The following SPEN variants were observed in gnomAD, a reference collection of about 807,000 sequenced individuals.
The protein encoded by SPEN is spen family transcriptional repressor.
A neutral mutation model predicts 269.9 loss-of-function variants in SPEN; 18 were observed. That is an observed-to-expected ratio of 0.07 (90% confidence interval 0.05 to 0.10). The LOEUF is 0.10. Ranked by LOEUF, SPEN falls within the 10% of genes least tolerant of loss-of-function variation. The pLI is 1.00. For missense variants in SPEN, 3,822 were observed against 4,631.2 expected (o/e 0.83, Z 5.07); for synonymous variants, 1,726 against 1,765.7 (o/e 0.98, Z 0.56).
intron 10 of SPEN, among the ~76,000 whole-genome samples, chr1:15,926,380 T>C (rs1017280189): frequency 4.7e-4 from 67 of 141,384 alleles, no homozygotes; most frequent in Middle Eastern, 3.5e-3. Context: ...CTCAGATATA[T>C]ACATACACAC....
chr1:15,915,379 C>G (rs1173528480), intron 5 of SPEN, among the ~76,000 whole-genome samples: 1 of 151,934 alleles, frequency 6.6e-6, no homozygotes, highest in East Asian at 1.9e-4. Flanking sequence ...GTCCCAGCTA[C>G]TTAGGAGGCT....
intron 10 of SPEN, among the ~76,000 whole-genome samples, chr1:15,925,394 T>G (rs1357478770): frequency 1.3e-5 from 2 of 152,204 alleles, no homozygotes; most frequent in African/African-American, 4.8e-5. Context: ...TCCCCGTACA[T>G]GGTCCAAGTG....
At chr1:15,857,122 G>T (rs2070395252) in intron 1 of SPEN, among the ~76,000 whole-genome samples, 1 of 151,768 alleles carries the variant, frequency 6.6e-6, no homozygotes, top group Non-Finnish European at 1.5e-5. Context: ...GAGTGCAGTG[G>T]TGTGATCACT....
chr1:15,856,060 T>A (rs1326517087), intron 1 of SPEN, among the ~76,000 whole-genome samples: 2 of 140,058 alleles, frequency 1.4e-5, no homozygotes, highest in Non-Finnish European at 3.1e-5. Flanking sequence ...TGGTGTGATC[T>A]CGGCTCACTG....
At chr1:15,863,989 A>G (rs2070472356) in intron 1 of SPEN, among the ~76,000 whole-genome samples, 1 of 152,222 alleles carries the variant, frequency 6.6e-6, no homozygotes, top group Non-Finnish European at 1.5e-5. Flanking sequence ...GAATTCATAC[A>G]GTGGAGTATT....
At chr1:15,857,388 G>A (rs1174373490) in intron 1 of SPEN, among the ~76,000 whole-genome samples, 2 of 149,758 alleles carry the variant, frequency 1.3e-5, no homozygotes, top group South Asian at 2.1e-4. Flanking sequence ...ACGGAGTCTC[G>A]TTCTGTTGCC....
At chr1:15,886,591 C>T (rs953543888) in intron 3 of SPEN, among the ~76,000 whole-genome samples, 1 of 152,256 alleles carries the variant, frequency 6.6e-6, no homozygotes, top group South Asian at 2.1e-4. Flanking sequence ...CCAGGGTGAA[C>T]GCCCGACTGC....
At chr1:15,880,584 G>GCC (rs2070677783) in intron 3 of SPEN, among the ~76,000 whole-genome samples, 1 of 151,322 alleles carries the variant, frequency 6.6e-6, no homozygotes, top group Admixed American at 6.6e-5. Flanking sequence ...GCCTCCTGAG[G>GCC]AGCTGGGATT....
intron 9 of SPEN, 87 bp from the exon 10 acceptor site, chr1:15,922,162 A>G (rs547647642): frequency 1.4e-4 from 137 of 958,450 alleles, no homozygotes; most frequent in Non-Finnish European, 2.0e-4. Flanking sequence ...CAGAAGGGCT[A>G]TGTTGTGAAG....
At chr1:15,850,921 CTG>C (rs1269750221) in intron 1 of SPEN, among the ~76,000 whole-genome samples, 1 of 152,156 alleles carries the variant, frequency 6.6e-6, no homozygotes, top group Non-Finnish European at 1.5e-5. Flanking sequence ...ACATTAATAA[CTG>C]TTTTACAGGA....
chr1:15,899,153 A>T (rs914071192), intron 3 of SPEN, among the ~76,000 whole-genome samples: 2 of 151,966 alleles, frequency 1.3e-5, no homozygotes, highest in African/African-American at 4.8e-5. Flanking sequence ...ATTTCTTCAC[A>T]TCCTTGCATT....
chr1:15,913,220 A>G (rs1300642306), intron 5 of SPEN, among the ~76,000 whole-genome samples: 1 of 152,182 alleles, frequency 6.6e-6, no homozygotes, highest in Non-Finnish European at 1.5e-5. Flanking sequence ...CAAGAAACCT[A>G]ACTTTGCATA....
rs772290475 is a variant in SPEN at position 15,872,954 on chromosome 1, A to G, written c.222A>G (p.Leu74=). ...NSVNKMGDRD[L]RTDYNEPGTI... ...TCAACAAAATGGGTGACAGAGACCT[A>G]CGCACGGATTATAATGAACCAGGCA... Residue 74 remains leucine, a synonymous_variant, in exon 2 of 15, where the codon CTA becomes CTG. Coordinates refer to ENST00000375759, the MANE Select transcript of SPEN (RefSeq NM_015001.3). 6.2e-7 allele frequency: 1 copy of G among 1,614,146 alleles called. No homozygotes were observed. Among genetic ancestry groups the G allele is most frequent in the South Asian group, 1.1e-5 (1 of 91,088 alleles).
At chr1:15,923,540 C>T (rs1389582747) in intron 10 of SPEN, among the ~76,000 whole-genome samples, 2 of 152,202 alleles carry the variant, frequency 1.3e-5, no homozygotes, top group East Asian at 1.9e-4. Context: ...GTTGTGCTGC[C>T]ACAAGCCCTG....
chr1:15,888,428 G>A (rs193020700), intron 3 of SPEN, among the ~76,000 whole-genome samples: 1 of 151,614 alleles, frequency 6.6e-6, no homozygotes, highest in Non-Finnish European at 1.5e-5. Flanking sequence ...GGTTCAAGTG[G>A]TTCTCCTGCC....
chr1:15,930,124 T>A lies in SPEN; in HGVS notation c.3884T>A (p.Leu1295His), dbSNP rs1439402055. The change falls in exon 11 of 15, where the codon CTC (leucine) becomes CAC (histidine). Residue 1295 changes from leucine (L) to histidine (H), a missense_variant. Transcript: ENST00000375759. The surrounding 1 kb of genome is among the most constrained non-coding windows in gnomAD (Gnocchi z 5.3). ...TCTCCTAAAGTAGATGAAAAAGTCC[T>A]CCCCTATTCTAACATAACAGTCAGG... Reference protein sequence around the residue: ...KGSPKVDEKVLPYSNITVREE... With the variant: ...KGSPKVDEKVHPYSNITVREE... 2.5e-6 allele frequency: 4 copies of A among 1,614,096 alleles called. No homozygotes were observed. Among genetic ancestry groups the A allele is most frequent in the Non-Finnish European group, 3.4e-6 (4 of 1,180,050 alleles).
intron 3 of SPEN, among the ~76,000 whole-genome samples, chr1:15,882,652 T>C (rs2070697704): frequency 6.6e-6 from 1 of 151,858 alleles, no homozygotes. Context: ...AGAACAAGAC[T>C]CCATTTCAAA....
In SPEN at chr1:15,940,264, C is replaced by T. The variant is rs1327555287; in HGVS notation, c.*837C>T. The T allele has an allele frequency of 1.7e-5, 4 of 233,060 alleles. No individual in the cohort carries two copies. Among genetic ancestry groups the T allele is most frequent in the Non-Finnish European group, 2.5e-5 (3 of 117,812 alleles). 14.4% of individuals were successfully genotyped at this position (233,060 alleles called of 1,614,324 possible). ...TGTATAAGTGCGCTTCGGTACAGCA[C>T]GGGTCCTGCTCCCGCGATGTGGAAG... On this transcript the variant is annotated 3_prime_UTR_variant, in exon 15 of 15. Coordinates refer to ENST00000375759, the MANE Select transcript of SPEN (RefSeq NM_015001.3).
rs766830789 is a variant in SPEN, at chr1:15,911,074, A to G, written c.1043-27A>G. 3 of 1,556,060 alleles carry G rather than the reference A, an allele frequency of 1.9e-6. No homozygotes were observed. The Admixed American group carries it at 5.7e-5, about 29-fold the overall frequency. On this transcript the variant is annotated intron_variant, in intron 4 of 14. Transcript: ENST00000375759. Reference sequence around the variant, plus strand: ...AGTTATAATTAAATTAGAAGAATTAATAACTTGGTTTTTTTTGGGAATTTA... The same window carrying G: ...AGTTATAATTAAATTAGAAGAATTAGTAACTTGGTTTTTTTTGGGAATTTA...
Sources: allele counts gnomAD v4.1 joint callset (sites outside exome capture counted in the v4.1 genomes callset), GRCh38; gene constraint gnomAD v4.1.1; non-coding constraint Gnocchi (gnomAD v3.1); transcripts MANE v1.5; gene names NCBI Gene and HGNC (gene_info 2026-07-23, HGNC 2026-07-21).